Variants in EDA observed in about 807,000 individuals in gnomAD.
The protein encoded by EDA is ectodysplasin A.
EDA carries 2 observed loss-of-function variants against 23.6 expected under a neutral mutation model. The ratio of observed to expected loss-of-function variants is 0.08; its 90% CI spans 0.03 to 0.27. The LOEUF is 0.27. EDA is among the 10% of genes least tolerant of loss of function. EDA has a pLI of 1.00. For synonymous variants in EDA, 131 were observed against 132.0 expected (o/e 0.99, Z 0.05); for missense variants, 229 against 324.2 (o/e 0.71, Z 2.26).
chrX:70,019,983 GT>G (rs990226912), intron 2 of EDA, among the ~76,000 whole-genome samples: 3 of 111,512 alleles, frequency 2.7e-5, no homozygotes, highest in Admixed American at 9.5e-5. Flanking sequence ...AAAAATTTTA[GT>G]TAACTCTTTG....
Position 69,616,204 on chromosome X carries a change from G to T in EDA, c.-105G>T. The T allele has an allele frequency of 1.0e-6, 1 of 1,001,727 alleles. No homozygotes were observed. The highest frequency in any genetic ancestry group is 1.3e-6 in the Non-Finnish European group (1 of 743,262). The allele number at this position is 1,001,727 out of a possible 1,213,427, so 82.6% of individuals were successfully genotyped here. On this transcript the variant is annotated 5_prime_UTR_variant, in exon 1 of 8. Transcript: ENST00000374552. ...TGTCGCGCAGGAACGGGTCCCTGCAGCCCCCAGCCGATGGCAGGACAGTAG... is the reference window on the plus strand; with the variant it reads ...TGTCGCGCAGGAACGGGTCCCTGCATCCCCCAGCCGATGGCAGGACAGTAG...
intron 1 of EDA, among the ~76,000 whole-genome samples, chrX:69,891,764 G>T (rs2017934983): frequency 9.0e-6 from 1 of 110,860 alleles, no homozygotes; most frequent in South Asian, 4.0e-4. Context: ...CCTGTCAGAG[G>T]GTGGGGAGTG....
At chrX:69,754,244 A>T (rs1451416775) in intron 1 of EDA, among the ~76,000 whole-genome samples, 3 of 111,241 alleles carry the variant, frequency 2.7e-5, no homozygotes, top group Non-Finnish European at 5.7e-5. Flanking sequence ...TTCCTTCAGG[A>T]GCTCTTGTAA....
rs575125513 is a variant in EDA, at chrX:69,870,141, G to A, written c.397-86886G>A. On this transcript the variant is annotated intron_variant, in intron 1 of 7. Transcript: ENST00000374552. ...GGGCCATCTTTTAATCCATATTTCA[G>A]CTAACCAAGCAAATAAACTATTATA... Among the ~76,000 whole-genome samples the A allele has an allele frequency of 1.3e-4, 14 of 111,381 alleles. No individual in the cohort carries two copies. In the South Asian group the frequency reaches 5.3e-3, roughly 42 times the overall value.
intron 1 of EDA, among the ~76,000 whole-genome samples, chrX:69,879,700 A>G (rs73634803): frequency 0.04 from 4,525 of 112,083 alleles, 220 homozygotes; most frequent in African/African-American, 0.14. Flanking sequence ...TGTTTCTTTA[A>G]GAGGAAAAGG....
At chrX:69,944,340 C>T (rs746128467) in intron 1 of EDA, among the ~76,000 whole-genome samples, 1 of 112,483 alleles carries the variant, frequency 8.9e-6, no homozygotes, top group South Asian at 3.7e-4. Flanking sequence ...TACTGCCTGG[C>T]TACCACTGCT....
At chrX:69,920,690 G>GA (rs199572423) in intron 1 of EDA, among the ~76,000 whole-genome samples, 4 of 108,892 alleles carry the variant, frequency 3.7e-5, no homozygotes, top group Non-Finnish European at 3.8e-5. Context: ...GAAGCTGATT[G>GA]AAAAAAAAAA....
chrX:69,890,331 A>G (rs1349509619), intron 1 of EDA, among the ~76,000 whole-genome samples: 1 of 110,957 alleles, frequency 9.0e-6, no homozygotes, highest in African/African-American at 3.3e-5. Context: ...AATGCCATTC[A>G]CATTAAATTA....
intron 2 of EDA, among the ~76,000 whole-genome samples, chrX:69,975,227 A>G (rs1366187760): frequency 1.8e-5 from 2 of 112,274 alleles, no homozygotes; most frequent in Non-Finnish European, 3.8e-5. Context: ...GTGCACATCA[A>G]TGGCAGATTG....
intron 1 of EDA, among the ~76,000 whole-genome samples, chrX:69,686,757 G>C (rs1206799141): frequency 1.8e-5 from 2 of 111,434 alleles, no homozygotes; most frequent in Non-Finnish European, 3.8e-5. Context: ...TATGAATCCT[G>C]TATTTCATTC....
intron 1 of EDA, among the ~76,000 whole-genome samples, chrX:69,849,112 CACACACACACACACACACACAT>C (rs1304038708): frequency 3.1e-5 from 3 of 96,738 alleles, no homozygotes; most frequent in African/African-American, 1.1e-4. Context: ...CACACACACA[CACACACACACACACACACACAT>C]ACATATTATT....
At chrX:69,759,910 G>A (rs1000299691) in intron 1 of EDA, among the ~76,000 whole-genome samples, 17 of 109,903 alleles carry the variant, frequency 1.5e-4, no homozygotes, top group African/African-American at 5.6e-4. Context: ...ATGGTACAGC[G>A]TGGTGATTTA....
intron 1 of EDA, among the ~76,000 whole-genome samples, chrX:69,912,911 T>G (rs2018289556): frequency 9.2e-6 from 1 of 108,859 alleles, no homozygotes; most frequent in Admixed American, 9.8e-5. Flanking sequence ...GGGACTACAG[T>G]CACACACCAT....
intron 1 of EDA, among the ~76,000 whole-genome samples, 199 bp from the exon 2 acceptor site, chrX:69,956,828 C>G (rs1278153227): frequency 9.0e-6 from 1 of 111,599 alleles, no homozygotes; most frequent in Non-Finnish European, 1.9e-5. Context: ...AGAAATTAAC[C>G]AAAATGTCAT....
At chrX:69,788,488 G>T (rs2147465255) in intron 1 of EDA, among the ~76,000 whole-genome samples, 1 of 112,019 alleles carries the variant, frequency 8.9e-6, no homozygotes, top group African/African-American at 3.2e-5. Context: ...TGTCCTTTCT[G>T]TTTGTTAGTT....
At chrX:69,957,470 C>A in intron 2 of EDA, 1 of 134,648 alleles carries the variant, frequency 7.4e-6, no homozygotes, top group African/African-American at 4.3e-5. Context: ...CAGTGCGAGA[C>A]TCCATCTCAA....
intron 1 of EDA, among the ~76,000 whole-genome samples, chrX:69,911,830 G>A (rs1033560080): frequency 5.3e-5 from 6 of 112,236 alleles, no homozygotes; most frequent in Non-Finnish European, 7.5e-5. Context: ...GTGAAGAGTC[G>A]TGCCTTGATG....
At chrX:70,018,079 C>T (rs1302092889) in intron 2 of EDA, among the ~76,000 whole-genome samples, 1 of 111,389 alleles carries the variant, frequency 9.0e-6, no homozygotes, top group African/African-American at 3.3e-5. Context: ...AGAGCCAAAA[C>T]AAGAATGCAG....
intron 1 of EDA, among the ~76,000 whole-genome samples, chrX:69,934,033 T>G (rs1274470956): frequency 8.9e-6 from 1 of 112,181 alleles, no homozygotes; most frequent in Non-Finnish European, 1.9e-5. Flanking sequence ...TTTTAGGATC[T>G]TTTCTATATC....
Sources: allele counts gnomAD v4.1 joint callset (sites outside exome capture counted in the v4.1 genomes callset), GRCh38; gene constraint gnomAD v4.1.1; transcripts MANE v1.5; gene names NCBI Gene and HGNC (gene_info 2026-07-23, HGNC 2026-07-21).